TENM1: variants seen among roughly 807,000 people sequenced by gnomAD.
TENM1 encodes teneurin transmembrane protein 1, also known as teneurin-1.
In TENM1, 35 loss-of-function variants were observed where a neutral mutation model predicts 174.8. The observed-to-expected ratio is 0.20, with a 90% CI of 0.15 to 0.27. The LOEUF (loss-of-function observed/expected upper bound fraction) is 0.27. Among genes scored for constraint, TENM1 ranks in the 10% least tolerant of loss-of-function variants. The pLI is 1.00. For missense variants in TENM1, 1,633 were observed against 2,130.1 expected (o/e 0.77, Z 4.59); for synonymous variants, 781 against 798.7 (o/e 0.98, Z 0.37).
the TENM1 span, among the ~76,000 whole-genome samples, chrX:124,972,021 T>C: frequency 9.1e-6 from 1 of 109,900 alleles, no homozygotes; most frequent in Non-Finnish European, 1.9e-5. Context: ...GATCACGAGG[T>C]CAGGAGTATG....
the TENM1 span, among the ~76,000 whole-genome samples, chrX:125,006,560 C>T: frequency 8.9e-6 from 1 of 112,040 alleles, no homozygotes; most frequent in African/African-American, 3.3e-5. Flanking sequence ...TGGCCCCATG[C>T]CTCCTGATTG....
chrX:124,964,792 C>G, upstream of TENM1, among the ~76,000 whole-genome samples: 1 of 112,327 alleles, frequency 8.9e-6, no homozygotes, highest in East Asian at 2.8e-4. Context: ...GCAACTTGGT[C>G]TTTTCATACA....
At chrX:124,874,458 T>C (rs1458891806) in intron 3 of TENM1, among the ~76,000 whole-genome samples, 1 of 110,324 alleles carries the variant, frequency 9.1e-6, no homozygotes, top group Non-Finnish European at 1.9e-5. Flanking sequence ...TTTTTCTTAT[T>C]GATTATAAGC....
chrX:124,821,608 A>G (rs1238788137), intron 3 of TENM1, among the ~76,000 whole-genome samples: 1 of 112,366 alleles, frequency 8.9e-6, no homozygotes, highest in Non-Finnish European at 1.9e-5. Context: ...AAAACCGTTC[A>G]ACCAATCTTC....
At chrX:124,644,044 C>CATATATAT (rs72253813) in intron 10 of TENM1, among the ~76,000 whole-genome samples, 20 of 79,195 alleles carry the variant, frequency 2.5e-4, no homozygotes, top group African/African-American at 8.1e-4. Context: ...ATATAAATGG[C>CATATATAT]ATATATATAT....
intron 25 of TENM1, among the ~76,000 whole-genome samples, chrX:124,416,294 T>A (rs1341826326): frequency 8.9e-6 from 1 of 111,799 alleles, no homozygotes; most frequent in Non-Finnish European, 1.9e-5. Context: ...AAATCTATTT[T>A]CTGTCTTTAT....
At chrX:124,408,223 C>T (rs2060485271) in intron 25 of TENM1, among the ~76,000 whole-genome samples, 1 of 110,147 alleles carries the variant, frequency 9.1e-6, no homozygotes, top group African/African-American at 3.3e-5. Context: ...CTCACTGCAA[C>T]CTCCACCTCC....
chrX:124,521,105 G>T (rs778125170), intron 17 of TENM1, among the ~76,000 whole-genome samples: 1 of 111,597 alleles, frequency 9.0e-6, no homozygotes, highest in South Asian at 3.8e-4. Context: ...AGTTGAAAAA[G>T]ATCATACCGC....
chrX:124,654,816 G>A (rs1487524752), intron 6 of TENM1, among the ~76,000 whole-genome samples: 2 of 111,648 alleles, frequency 1.8e-5, no homozygotes, highest in East Asian at 5.6e-4. Flanking sequence ...ACGAATTAGA[G>A]CAGACGGACA....
chrX:124,481,557 G>A (rs1433446079), intron 22 of TENM1, among the ~76,000 whole-genome samples, 175 bp downstream of exon 25: 1 of 109,061 alleles, frequency 9.2e-6, no homozygotes, highest in Non-Finnish European at 1.9e-5. Flanking sequence ...TGCATTATGT[G>A]CCTTGGATGT....
intron 20 of TENM1, among the ~76,000 whole-genome samples, chrX:124,496,036 A>G (rs1238739539): frequency 9.6e-6 from 1 of 103,976 alleles, no homozygotes; most frequent in Non-Finnish European, 1.9e-5. Context: ...AGATCAATGG[A>G]ACAGAACAGA....
intron 18 of TENM1, among the ~76,000 whole-genome samples, chrX:124,510,140 G>T (rs1244919911): frequency 1.8e-5 from 2 of 111,988 alleles, no homozygotes; most frequent in Non-Finnish European, 3.8e-5. Flanking sequence ...CTAATTTGAA[G>T]ACTCAAACTC....
chrX:124,993,761 A>G, the TENM1 span, among the ~76,000 whole-genome samples: 25 of 111,207 alleles, frequency 2.2e-4, no homozygotes, highest in African/African-American at 8.2e-4. Flanking sequence ...TGAAAAAAGT[A>G]GATTATAATA....
exon 31 of TENM1, chrX:124,382,762 G>A: frequency 1.7e-6 from 2 of 1,203,300 alleles, no homozygotes; most frequent in Non-Finnish European, 2.2e-6. Flanking sequence ...GGAAATCCAG[G>A]TAGTACATTG....
intron 3 of TENM1, among the ~76,000 whole-genome samples, chrX:124,882,285 T>C (rs2057316457): frequency 8.9e-6 from 1 of 112,211 alleles, no homozygotes; most frequent in Non-Finnish European, 1.9e-5. Flanking sequence ...ATGTGGTCTA[T>C]CCTGGAGAAT....
intron 1 of TENM1, among the ~76,000 whole-genome samples, chrX:124,915,726 C>G (rs1053141292): frequency 1.3e-5 from 1 of 77,708 alleles, no homozygotes; most frequent in African/African-American, 4.9e-5. Flanking sequence ...ATCTGGAGGA[C>G]TGATGATTGC....
chrX:124,577,623 T>C (rs1057310064), intron 11 of TENM1, among the ~76,000 whole-genome samples: 3 of 111,731 alleles, frequency 2.7e-5, no homozygotes, highest in Non-Finnish European at 5.6e-5. Flanking sequence ...TTCCTATGAG[T>C]CGCCACACCC....
At chrX:124,818,654 G>C (rs1486266794) in intron 3 of TENM1, among the ~76,000 whole-genome samples, 1 of 111,521 alleles carries the variant, frequency 9.0e-6, no homozygotes, top group Non-Finnish European at 1.9e-5. Flanking sequence ...TACCTGAAAG[G>C]ATAGTGAACT....
intron 1 of TENM1, among the ~76,000 whole-genome samples, chrX:124,944,257 C>A (rs2147762063): frequency 9.0e-6 from 1 of 111,090 alleles, no homozygotes; most frequent in South Asian, 3.8e-4. Flanking sequence ...TTTTTATTAT[C>A]TACCCTGATG....
Sources: allele counts gnomAD v4.1 joint callset (sites outside exome capture counted in the v4.1 genomes callset), GRCh38; gene constraint gnomAD v4.1.1; transcripts MANE v1.5; gene names NCBI Gene and HGNC (gene_info 2026-07-23, HGNC 2026-07-21).